Variants in SYNE1 observed in about 807,000 individuals in gnomAD.
The protein encoded by SYNE1 is spectrin repeat containing nuclear envelope protein 1.
In SYNE1, 616 loss-of-function variants were observed where a neutral mutation model predicts 1,111.0. The ratio of observed to expected loss-of-function variants is 0.55; its 90% CI spans 0.52 to 0.59. The LOEUF (loss-of-function observed/expected upper bound fraction) is 0.59. SYNE1 is among the 20% of genes least tolerant of loss of function. The pLI is 0.00. For missense variants in SYNE1, 10,006 were observed against 10,417.0 expected (o/e 0.96, Z 1.72); for synonymous variants, 3,855 against 3,825.8 (o/e 1.01, Z -0.28).
Position 152,362,288 on chromosome 6 carries a change from T to C in SYNE1, c.10181A>G (p.Tyr3394Cys), listed in dbSNP as rs754599705. 6.2e-7 allele frequency: 1 copy of C among 1,614,246 alleles called. No homozygotes were observed. The highest frequency in any genetic ancestry group is 8.5e-7 in the Non-Finnish European group (1 of 1,180,044). Reference protein sequence around the residue: ...LEGALSKWTSYQDGVRQFSGW... With the variant: ...LEGALSKWTSCQDGVRQFSGW... The stretch of plus-strand genomic sequence containing the variant: ...GGAGAACTGTCGAACGCCATCCTGA[T>C]AACTTGTCCACTTGGAGAGAGCTCC... Residue 3394 changes from tyrosine to cysteine, a missense_variant, in exon 64 of 146, where the codon TAT becomes TGT. This residue lies in a region of SYNE1 where 4,955 missense variants were observed against 5,017.2 expected (regional missense o/e 0.99). Transcript: ENST00000367255.
intron 130 of SYNE1, among the ~76,000 whole-genome samples, chr6:152,166,758 T>A (rs1053625479): frequency 2.0e-5 from 3 of 152,172 alleles, no homozygotes; most frequent in Admixed American, 1.3e-4. Flanking sequence ...TTTCATTTTT[T>A]TAAAAATTGT....
chr6:152,635,210 A>G (rs1442991241), intron 2 of SYNE1, among the ~76,000 whole-genome samples: 1 of 152,228 alleles, frequency 6.6e-6, no homozygotes, highest in Admixed American at 6.5e-5. Flanking sequence ...GTCAATGAGG[A>G]CAGAAGAAAA....
At chr6:152,590,636 TCTGTCA>T (rs574286309) in intron 3 of SYNE1, among the ~76,000 whole-genome samples, 36 of 152,182 alleles carry the variant, frequency 2.4e-4, no homozygotes, top group Non-Finnish European at 4.9e-4. Context: ...TCCTAACTTG[TCTGTCA>T]CTGATCACTA....
chr6:152,553,274 TC>T (rs1394447979), intron 3 of SYNE1, among the ~76,000 whole-genome samples: 2 of 152,144 alleles, frequency 1.3e-5, no homozygotes, highest in African/African-American at 2.4e-5. Flanking sequence ...TACTCTCACG[TC>T]CAAATTGCCC....
chr6:152,505,310 T>C lies in SYNE1; in HGVS notation c.669A>G (p.Glu223=), dbSNP rs1294047431. 7 of 1,614,154 alleles carry C rather than the reference T, an allele frequency of 4.3e-6. No individual in the cohort carries two copies. Among genetic ancestry groups the C allele is most frequent in the Non-Finnish European group, 5.1e-6 (6 of 1,180,006 alleles). The change falls in exon 9 of 146, where the codon GAA becomes GAG. Residue 223 remains glutamate, a synonymous_variant. Transcript: ENST00000367255. ...FHSVIHAIRP[E]LVDLETVKGR... ...CTTTCACTGTCTCCAAGTCCACCAA[T>C]TCCGGTCGAATGGCATGAATAACTG...
chr6:152,475,323 C>A (rs1052357128), intron 14 of SYNE1, among the ~76,000 whole-genome samples: 2 of 152,132 alleles, frequency 1.3e-5, no homozygotes, highest in African/African-American at 2.4e-5. Context: ...GTATTTAATA[C>A]GCCTAAACCA....
chr6:152,381,887 A>G (rs2097424282), intron 55 of SYNE1, among the ~76,000 whole-genome samples: 1 of 152,174 alleles, frequency 6.6e-6, no homozygotes, highest in African/African-American at 2.4e-5. Flanking sequence ...AAATACCTCA[A>G]TACTAAGTAA....
intron 22 of SYNE1, 71 bp downstream of exon 22, chr6:152,458,686 C>G: frequency 6.6e-7 from 1 of 1,526,442 alleles, no homozygotes; most frequent in Non-Finnish European, 9.1e-7. Context: ...AATTTCTATT[C>G]CTGTAAGCAA....
intron 49 of SYNE1, 47 bp downstream of exon 49, chr6:152,398,572 C>G (rs1258835888): frequency 6.6e-7 from 1 of 1,515,484 alleles, no homozygotes; most frequent in Non-Finnish European, 9.2e-7. Context: ...CCTGCAGGCA[C>G]CTGAGTACAT....
intron 130 of SYNE1, among the ~76,000 whole-genome samples, chr6:152,166,104 G>A (rs1337520119): frequency 1.3e-5 from 2 of 152,174 alleles, no homozygotes; most frequent in Non-Finnish European, 2.9e-5. Flanking sequence ...GGATGGTAAT[G>A]TCATCAGGGT....
chr6:152,363,462 G>C (rs931619007), intron 63 of SYNE1, among the ~76,000 whole-genome samples: 52 of 150,742 alleles, frequency 3.4e-4, no homozygotes, highest in Middle Eastern at 3.4e-3. Context: ...CCACTGCACT[G>C]GAGCCTGGGC....
chr6:152,183,453 T>G (rs1440870499), intron 128 of SYNE1, among the ~76,000 whole-genome samples: 3 of 151,842 alleles, frequency 2.0e-5, no homozygotes, highest in African/African-American at 7.3e-5. Flanking sequence ...AAACAAAAAT[T>G]AGCCAGGCGT....
chr6:152,432,218 G>T (rs1382768642), intron 34 of SYNE1, among the ~76,000 whole-genome samples: 9 of 152,104 alleles, frequency 5.9e-5, no homozygotes, highest in Non-Finnish European at 1.3e-4. Context: ...ACAAAAGTGG[G>T]CTTAGTGTAT....
At chr6:152,149,168 A>G (rs932868582) in intron 136 of SYNE1, among the ~76,000 whole-genome samples, 2 of 152,222 alleles carry the variant, frequency 1.3e-5, no homozygotes, top group Non-Finnish European at 2.9e-5. Context: ...TTTATCTTCC[A>G]TAGAAGATAT....
At chr6:152,391,869 G>T (rs2097647086) in intron 51 of SYNE1, among the ~76,000 whole-genome samples, 1 of 152,110 alleles carries the variant, frequency 6.6e-6, no homozygotes, top group African/African-American at 2.4e-5. Context: ...TTCAGAAAAT[G>T]GTCCCAGCTG....
intron 3 of SYNE1, among the ~76,000 whole-genome samples, chr6:152,541,216 A>G (rs2099267889): frequency 6.6e-6 from 1 of 152,236 alleles, no homozygotes; most frequent in South Asian, 2.1e-4. Flanking sequence ...TGCTTTGGGC[A>G]GTATGGATAT....
chr6:152,390,541 T>A, intron 52 of SYNE1, 89 bp from the exon 53 acceptor site: 1 of 1,318,786 alleles, frequency 7.6e-7, no homozygotes, highest in Non-Finnish European at 1.1e-6. Context: ...AGAATTGAAG[T>A]AGGAATACTT....
chr6:152,122,525 C>T lies in SYNE1; in HGVS notation c.26305G>A (p.Glu8769Lys), dbSNP rs2051643550. The T allele has an allele frequency of 6.2e-7, 1 of 1,614,086 alleles. No homozygotes were observed. The highest frequency in any genetic ancestry group is 8.5e-7 in the Non-Finnish European group (1 of 1,180,050). Residue 8769 changes from glutamate (E) to lysine (K), a missense_variant, in exon 146 of 146, where the codon GAG becomes AAG. By Grantham distance (56) the Glu-to-Lys change is moderately conservative. Transcript: ENST00000367255. The part of the protein sequence containing the change: ...IGLACLVPMS[E>K]EDYSCALSNN... ...GAGAGGGCACAGCTGTAGTCTTCCTCTGACATTGGTACAAGGCAGGCAAGC... is the reference window on the plus strand; with the variant it reads ...GAGAGGGCACAGCTGTAGTCTTCCTTTGACATTGGTACAAGGCAGGCAAGC...
chr6:152,171,625 G>A (rs1007005752), intron 130 of SYNE1, among the ~76,000 whole-genome samples: 1 of 152,216 alleles, frequency 6.6e-6, no homozygotes, highest in African/African-American at 2.4e-5. Context: ...GCCAGGGGCA[G>A]GCAGGAGAAT....
Sources: allele counts gnomAD v4.1 joint callset (sites outside exome capture counted in the v4.1 genomes callset), GRCh38; gene constraint gnomAD v4.1.1; regional missense constraint gnomAD v4.1.1; transcripts MANE v1.5; gene names NCBI Gene and HGNC (gene_info 2026-07-23, HGNC 2026-07-21).